The following DYRK2 variants were observed in gnomAD, a reference collection of about 807,000 sequenced individuals.
The protein encoded by DYRK2 is dual specificity tyrosine-phosphorylation-regulated kinase 2.
A neutral mutation model predicts 41.6 loss-of-function variants in DYRK2; 12 were observed. The observed-to-expected ratio is 0.29, with a 90% CI of 0.18 to 0.47. The LOEUF is 0.47. Ranked by LOEUF, DYRK2 falls within the 20% of genes least tolerant of loss-of-function variation. The probability of loss-of-function intolerance (pLI) is 1.00; values close to 1 mark genes in which losing one functional copy is unlikely to be tolerated. For synonymous variants in DYRK2, 322 were observed against 315.7 expected (o/e 1.02, Z -0.21); for missense variants, 678 against 798.4 (o/e 0.85, Z 1.82).
rs1296985147 is a variant in DYRK2 at position 67,656,761 on chromosome 12, G to A, written c.199-345G>A. The stretch of plus-strand genomic sequence containing the variant: ...GAGGAGCCAACATAGAGTCTTATGT[G>A]TGCATGTTTTTTTCTGTATCCTGTT... On this transcript the variant is annotated intron_variant, in intron 2 of 2. Transcript: ENST00000344096. 3.3e-5 allele frequency among the ~76,000 whole-genome samples: 5 copies of A among 152,152 alleles called. No individual in the cohort carries two copies. The East Asian group carries it at 7.7e-4, about 23-fold the overall frequency.
intron 2 of DYRK2, among the ~76,000 whole-genome samples, 170 bp from the exon 3 acceptor site, chr12:67,656,936 G>C (rs1391570744): frequency 2.0e-5 from 3 of 152,110 alleles, no homozygotes; most frequent in Non-Finnish European, 2.9e-5. Flanking sequence ...TGTTAGGCAT[G>C]GCATTTATGA....
At chr12:67,655,532 T>C (rs1048890752) in intron 2 of DYRK2, among the ~76,000 whole-genome samples, 1 of 152,190 alleles carries the variant, frequency 6.6e-6, no homozygotes, top group African/African-American at 2.4e-5. Context: ...TCTTATTGAA[T>C]ATAAGGTCAC....
intron 2 of DYRK2, among the ~76,000 whole-genome samples, chr12:67,653,964 A>G (rs1305474854): frequency 6.6e-6 from 1 of 152,230 alleles, no homozygotes; most frequent in Non-Finnish European, 1.5e-5. Context: ...AAAGGACAAT[A>G]ATAATGCTCT....
chr12:67,658,207 ATGAT>A lies in DYRK2; in HGVS notation c.1304_1307del (p.Ile435AsnfsTer21). Reference sequence around the variant, plus strand: ...AGATGAAGGGGACCAGCTGGCCTGTATGATTGAACTGTTGGGCATGCCCTCACAG... The same window carrying A: ...AGATGAAGGGGACCAGCTGGCCTGTATGAACTGTTGGGCATGCCCTCACAG... On this transcript the variant is annotated frameshift_variant, in exon 3 of 3. Coordinates refer to ENST00000344096, the MANE Select transcript of DYRK2 (RefSeq NM_006482.3). LOFTEE classifies it high-confidence loss of function. The surrounding 1 kb of genome is among the most constrained non-coding windows in gnomAD (Gnocchi z 4.3). 6.2e-7 allele frequency: 1 copy of A among 1,614,190 alleles called. No homozygotes were observed. The highest frequency in any genetic ancestry group is 8.5e-7 in the Non-Finnish European group (1 of 1,180,040).
At position 67,661,107 on chromosome 12, in the gene DYRK2, T is replaced by G. The variant is rs571057452; in HGVS notation, c.*2394T>G. 1.2e-5 allele frequency: 2 copies of G among 166,810 alleles called. No homozygotes were observed. Among genetic ancestry groups the G allele is most frequent in the African/African-American group, 2.4e-5 (1 of 41,440 alleles). The allele number at this position is 166,810 out of a possible 1,614,324, so 10.3% of individuals were successfully genotyped here. On this transcript the variant is annotated 3_prime_UTR_variant, in exon 3 of 3. Transcript: ENST00000344096. ...TGCAGCACTGTAGGGCTTTTTTTTT[T>G]TTCCCTCCAAATACAGTGAAATTTT...
rs1282367530 is a variant in DYRK2, at chr12:67,663,151, T to G, written c.*4438T>G. 1 of 152,036 alleles carries G rather than the reference T, an allele frequency of 6.6e-6. No homozygotes were observed. Among genetic ancestry groups the G allele is most frequent in the Non-Finnish European group, 1.5e-5 (1 of 67,974 alleles). The allele number at this position is 152,036 out of a possible 1,614,324, so 9.4% of individuals were successfully genotyped here. On this transcript the variant is annotated 3_prime_UTR_variant, in exon 3 of 3. Transcript: ENST00000344096. ...CCCAATGTTTTTTAATGCTTATGAG[T>G]TTGCAGTTTTTGTACTTGGTGGTCT...
chr12:67,657,070 C>T lies in DYRK2; in HGVS notation c.199-36C>T. On this transcript the variant is annotated intron_variant, in intron 2 of 2. Transcript: ENST00000344096. The surrounding 1 kb of genome is among the most constrained non-coding windows in gnomAD (Gnocchi z 4.8). ...TTATACACCATTTGAACAGACACCA[C>T]TTCTTTTCTATTTATATTTCCTGTC... 2 of 1,524,880 alleles carry T rather than the reference C, an allele frequency of 1.3e-6. No individual in the cohort carries two copies. Among genetic ancestry groups the T allele is most frequent in the Non-Finnish European group, 1.8e-6 (2 of 1,135,880 alleles). 94.5% of individuals were successfully genotyped at this position (1,524,880 alleles called of 1,614,324 possible).
rs1208479924 is a variant in DYRK2, at chr12:67,661,074, T to C, written c.*2361T>C. 2 of 165,922 alleles carry C rather than the reference T, an allele frequency of 1.2e-5. No homozygotes were observed. Among genetic ancestry groups the C allele is most frequent in the Non-Finnish European group, 2.9e-5 (2 of 67,992 alleles). 10.3% of individuals were successfully genotyped at this position (165,922 alleles called of 1,614,324 possible). A position where few individuals can be genotyped will look rare whatever the true frequency, so the allele number is the denominator to read the frequency against. On this transcript the variant is annotated 3_prime_UTR_variant, in exon 3 of 3. Coordinates refer to ENST00000344096, the MANE Select transcript of DYRK2 (RefSeq NM_006482.3). ...AACCGGAAACTTTTATACCAAACTA[T>C]AATAATGTGCAGCACTGTAGGGCTT... is the stretch of plus-strand genomic sequence containing the variant.
At chr12:67,649,285 G>GGCGGC (rs1872232786) in intron 1 of DYRK2, 103 bp downstream of exon 1, 6 of 976,294 alleles carry the variant, frequency 6.1e-6, no homozygotes, top group Middle Eastern at 3.5e-4. Context: ...GAACAAAGTC[G>GGCGGC]GCGGCGCGGC....
At chr12:67,656,135 C>T (rs1872462123) in intron 2 of DYRK2, among the ~76,000 whole-genome samples, 1 of 152,222 alleles carries the variant, frequency 6.6e-6, no homozygotes, top group Non-Finnish European at 1.5e-5. Flanking sequence ...TGCCAGTCCT[C>T]TCCTACCCCT....
Position 67,658,868 on chromosome 12 carries a change from T to G in DYRK2, c.*155T>G. On this transcript the variant is annotated 3_prime_UTR_variant, in exon 3 of 3. Coordinates refer to ENST00000344096, the MANE Select transcript of DYRK2 (RefSeq NM_006482.3). This position sits in a 1 kb window ranked among gnomAD's most constrained non-coding sequence, Gnocchi z 4.3. ...AATTTTAATGTAAGAAAGTTGTTCA[T>G]TTTGTTTTTATAAAATACATGAGGA... 1.1e-6 allele frequency: 1 copy of G among 906,354 alleles called. No individual in the cohort carries two copies. The highest frequency in any genetic ancestry group is 1.6e-6 in the Non-Finnish European group (1 of 629,662). 56.1% of individuals were successfully genotyped at this position (906,354 alleles called of 1,614,324 possible).
At chr12:67,649,479 C>G (rs917158105) in intron 1 of DYRK2, among the ~76,000 whole-genome samples, 4 of 151,650 alleles carry the variant, frequency 2.6e-5, no homozygotes, top group African/African-American at 7.3e-5. Flanking sequence ...GGCCGTGGCT[C>G]CCTGCTCAGC....
Position 67,662,445 on chromosome 12 carries a change from T to C in DYRK2, c.*3732T>C, listed in dbSNP as rs1872650781. On this transcript the variant is annotated 3_prime_UTR_variant, in exon 3 of 3. Transcript: ENST00000344096. ...GAAAATATGTGAAAATGGTTGAATGTGGACTGTGTATATATGTATGTAAAA... is the reference window on the plus strand; with the variant it reads ...GAAAATATGTGAAAATGGTTGAATGCGGACTGTGTATATATGTATGTAAAA... 1 of 166,802 alleles carries C rather than the reference T, an allele frequency of 6.0e-6. No individual in the cohort carries two copies. Among genetic ancestry groups the C allele is most frequent in the Admixed American group, 6.5e-5 (1 of 15,276 alleles). The allele number at this position is 166,802 out of a possible 1,614,324, so 10.3% of individuals were successfully genotyped here.
chr12:67,652,448 A>T (rs1872348328), intron 2 of DYRK2: 1 of 152,196 alleles, frequency 6.6e-6, no homozygotes, highest in South Asian at 2.1e-4. Flanking sequence ...TACACATTTT[A>T]AAAAATGGCA....
chr12:67,649,802 G>C lies in DYRK2; in HGVS notation c.55G>C (p.Gly19Arg). 7.6e-7 allele frequency: 1 copy of C among 1,318,012 alleles called. No homozygotes were observed. Among genetic ancestry groups the C allele is most frequent in the Non-Finnish European group, 9.7e-7 (1 of 1,026,760 alleles). 81.6% of individuals were successfully genotyped at this position (1,318,012 alleles called of 1,614,324 possible). Residue 19 changes from glycine (G) to arginine (R), a missense_variant, in exon 2 of 3, where the codon GGT (glycine) becomes CGT (arginine). By Grantham distance (125) the Gly-to-Arg change is moderately radical. Coordinates refer to ENST00000344096, the MANE Select transcript of DYRK2 (RefSeq NM_006482.3). ...CTCCCGCACGTGGCTTCCAGGCCGA[G>C]GTGGGGACAGCGCCGTTCGTCAGCT... ...AAPAAYPTGRGGDSAVRQLQA... is the reference protein window; with the variant it reads ...AAPAAYPTGRRGDSAVRQLQA...
intron 2 of DYRK2, among the ~76,000 whole-genome samples, chr12:67,656,383 A>G (rs1431889020): frequency 2.0e-5 from 3 of 152,198 alleles, no homozygotes; most frequent in African/African-American, 4.8e-5. Flanking sequence ...AGGAAGGCCA[A>G]ACAGTGTGGT....
At chr12:67,655,413 T>C (rs945122314) in intron 2 of DYRK2, among the ~76,000 whole-genome samples, 8 of 152,134 alleles carry the variant, frequency 5.3e-5, no homozygotes, top group African/African-American at 1.2e-4. Flanking sequence ...AAGAGAAGCA[T>C]TGGACAAGCC....
chr12:67,649,767 C>T (rs1195015478), intron 1 of DYRK2, 30 bp from the exon 2 acceptor site: 3 of 1,312,258 alleles, frequency 2.3e-6, no homozygotes, highest in East Asian at 5.6e-5. Flanking sequence ...CCCTGACCCT[C>T]TTTTGTCTCC....
Position 67,664,112 on chromosome 12 carries a change from A to G in DYRK2, c.*5399A>G, listed in dbSNP as rs1038555345. The G allele has an allele frequency of 6.6e-6, 1 of 152,200 alleles. No individual in the cohort carries two copies. Among genetic ancestry groups the G allele is most frequent in the Non-Finnish European group, 1.5e-5 (1 of 68,020 alleles). 9.4% of individuals were successfully genotyped at this position (152,200 alleles called of 1,614,324 possible). Reference sequence around the variant, plus strand: ...TTAGTAATACTTAGCACTGTCCAAAATGAAAAATGACTGCCAGTGTGTTGC... The same window carrying G: ...TTAGTAATACTTAGCACTGTCCAAAGTGAAAAATGACTGCCAGTGTGTTGC... On this transcript the variant is annotated 3_prime_UTR_variant, in exon 3 of 3. Coordinates refer to ENST00000344096, the MANE Select transcript of DYRK2 (RefSeq NM_006482.3).
Sources: allele counts gnomAD v4.1 joint callset (sites outside exome capture counted in the v4.1 genomes callset), GRCh38; gene constraint gnomAD v4.1.1; non-coding constraint Gnocchi (gnomAD v3.1); transcripts MANE v1.5; gene names NCBI Gene and HGNC (gene_info 2026-07-23, HGNC 2026-07-21).